FSTL5: variants seen among roughly 807,000 people sequenced by gnomAD.
FSTL5 encodes the protein follistatin-related protein 5.
A neutral mutation model predicts 89.1 loss-of-function variants in FSTL5; 62 were observed. The ratio of observed to expected loss-of-function variants is 0.70; its 90% CI spans 0.57 to 0.86. The LOEUF (loss-of-function observed/expected upper bound fraction) is 0.86, where lower values mean the gene tolerates loss of function less well. Ranked by LOEUF, FSTL5 falls within the 40% of genes least tolerant of loss-of-function variation. The pLI, the probability that FSTL5 is intolerant of heterozygous loss-of-function variation, is 0.00. For synonymous variants in FSTL5, 383 were observed against 346.2 expected, an observed-to-expected ratio of 1.11 and a Z score of -1.18; for missense variants, 1,057 against 1,001.6, an observed-to-expected ratio of 1.06 and a Z score of -0.75.
At chr4:161,737,695 T>C (rs546412612) in intron 6 of FSTL5, among the ~76,000 whole-genome samples, 3 of 152,114 alleles carry the variant, frequency 2.0e-5, no homozygotes, top group Non-Finnish European at 4.4e-5. Flanking sequence ...AACCTATGTA[T>C]GTAAATCATT....
At chr4:161,872,179 T>A (rs182107052) in intron 4 of FSTL5, among the ~76,000 whole-genome samples, 1 of 130,272 alleles carries the variant, frequency 7.7e-6, no homozygotes, top group African/African-American at 2.8e-5. Flanking sequence ...GGATTCATCA[T>A]GTTGTCCAGG....
At chr4:161,681,835 G>A (rs566284006) in intron 6 of FSTL5, among the ~76,000 whole-genome samples, 127 of 152,080 alleles carry the variant, frequency 8.4e-4, no homozygotes, top group Non-Finnish European at 1.5e-3. Context: ...AAATCATTGC[G>A]GGAAGGTGTT....
chr4:161,971,606 T>C (rs1214939901), intron 3 of FSTL5, among the ~76,000 whole-genome samples: 1 of 152,104 alleles, frequency 6.6e-6, no homozygotes, highest in Non-Finnish European at 1.5e-5. Context: ...CATTCCTGGG[T>C]AAAATATTTA....
At chr4:161,682,503 G>A (rs1229031104) in intron 6 of FSTL5, among the ~76,000 whole-genome samples, 3 of 151,898 alleles carry the variant, frequency 2.0e-5, no homozygotes, top group Admixed American at 6.6e-5. Context: ...ATTTTAAAAT[G>A]TTTTATTATC....
At chr4:161,783,120 G>A (rs1337321735) in intron 4 of FSTL5, among the ~76,000 whole-genome samples, 17 of 152,140 alleles carry the variant, frequency 1.1e-4, no homozygotes. Context: ...TGATGATATG[G>A]AATGTGTAGC....
intron 4 of FSTL5, among the ~76,000 whole-genome samples, chr4:161,781,132 T>C (rs959279607): frequency 5.3e-5 from 8 of 152,040 alleles, no homozygotes; most frequent in African/African-American, 1.7e-4. Context: ...TAATTGCTAA[T>C]AAAACACAAA....
chr4:161,856,662 G>GTATA lies in FSTL5; in HGVS notation c.409+63738_409+63741dup, dbSNP rs10647528. Among the ~76,000 whole-genome samples the GTATA allele has an allele frequency of 2.1e-3, 313 of 147,822 alleles. 1 individual carries two copies. Among genetic ancestry groups the GTATA allele is most frequent in the Middle Eastern group, 3.5e-3 (1 of 284 alleles). On this transcript the variant is annotated intron_variant, in intron 4 of 15. Transcript: ENST00000306100. ...TTTATTTGCATACTTGTGTGTGTGTGTATATATATATATATAAATATGTAT... is the reference window on the plus strand; with the variant it reads ...TTTATTTGCATACTTGTGTGTGTGTGTATATATATATATATATATAAATATGTAT...
rs189448453 is a variant in FSTL5 at position 162,113,005 on chromosome 4, G to C, written c.-16-1593C>G. Among the ~76,000 whole-genome samples the C allele has an allele frequency of 1.9e-3, 291 of 152,112 alleles. 1 individual carries two copies. The highest frequency in any genetic ancestry group is 6.7e-3 in the African/African-American group (279 of 41,476). ...TAGGTTCAGCCTATTGCTTTATTTT[G>C]CCATTAAATATTGTGGTTTATCAAA... On this transcript the variant is annotated intron_variant, in intron 1 of 15. Coordinates refer to ENST00000306100, the MANE Select transcript of FSTL5 (RefSeq NM_020116.5).
chr4:161,922,110 T>A (rs968606616), intron 3 of FSTL5, among the ~76,000 whole-genome samples: 16 of 151,982 alleles, frequency 1.1e-4, no homozygotes, highest in Non-Finnish European at 1.8e-4. Flanking sequence ...GCATATTTTT[T>A]AAAAACTAAT....
intron 14 of FSTL5, among the ~76,000 whole-genome samples, chr4:161,458,830 A>C (rs1733457366): frequency 6.6e-6 from 1 of 152,180 alleles, no homozygotes. Context: ...CAGATAACAG[A>C]ATATTATCTG....
intron 15 of FSTL5, chr4:161,388,089 C>G (rs1578935189): frequency 6.6e-6 from 1 of 152,176 alleles, no homozygotes; most frequent in East Asian, 1.9e-4. Flanking sequence ...TTCTGCTATA[C>G]TATTACCTAA....
Position 162,112,257 on chromosome 4 carries a change from T to C in FSTL5, c.-16-845A>G, listed in dbSNP as rs527245491. ...TTTCTTGGGAAACTTAATCAATTGA[T>C]TAGCATTGCTCTATGCTGTATTTTG... On this transcript the variant is annotated intron_variant, in intron 1 of 15. Transcript: ENST00000306100. Among the ~76,000 whole-genome samples, 10 of 152,284 alleles carry C rather than the reference T, an allele frequency of 6.6e-5. No individual in the cohort carries two copies. In the South Asian group the frequency reaches 2.1e-3, roughly 32 times the overall value.
chr4:161,831,881 T>C (rs1730857477), intron 4 of FSTL5, among the ~76,000 whole-genome samples: 1 of 151,788 alleles, frequency 6.6e-6, no homozygotes. Context: ...TTAGAGAAAA[T>C]TTGCTGAAAA....
chr4:161,993,997 T>A (rs1002055446), intron 3 of FSTL5, among the ~76,000 whole-genome samples: 1 of 152,120 alleles, frequency 6.6e-6, no homozygotes. Context: ...ATCACCCAGG[T>A]ATTAAGCCTA....
rs201960581 is a variant in FSTL5, at chr4:162,147,600, AGT to A, written c.-17+16013_-17+16014del. Reference sequence around the variant, plus strand: ...AGGTCACATTTTTGTGTACTCTGTAAGTTACAGTTCTCCTTGAGATCAGTTTA... The same window carrying A: ...AGGTCACATTTTTGTGTACTCTGTAATACAGTTCTCCTTGAGATCAGTTTA... On this transcript the variant is annotated intron_variant, in intron 1 of 15. Transcript: ENST00000306100. Among the ~76,000 whole-genome samples the A allele has an allele frequency of 9.2e-3, 1,403 of 152,326 alleles. 22 individuals carry two copies. Among genetic ancestry groups the A allele is most frequent in the African/African-American group, 0.031 (1,301 of 41,580 alleles).
At chr4:161,935,794 G>C (rs545842969) in intron 3 of FSTL5, among the ~76,000 whole-genome samples, 2 of 151,752 alleles carry the variant, frequency 1.3e-5, no homozygotes, top group South Asian at 4.2e-4. Context: ...TCCAATGGTA[G>C]GATGAATCTA....
chr4:161,458,444 A>G (rs1733441575), intron 14 of FSTL5, among the ~76,000 whole-genome samples: 1 of 152,232 alleles, frequency 6.6e-6, no homozygotes, highest in Admixed American at 6.5e-5. Flanking sequence ...AAAATAACTC[A>G]GAAACATTAA....
chr4:161,816,025 A>C (rs931686418), intron 4 of FSTL5, among the ~76,000 whole-genome samples: 4 of 152,206 alleles, frequency 2.6e-5, no homozygotes, highest in African/African-American at 9.6e-5. Context: ...TTAACTACAC[A>C]GAACATTAGA....
intron 2 of FSTL5, among the ~76,000 whole-genome samples, chr4:162,054,839 G>A (rs1738487183): frequency 6.6e-6 from 1 of 151,806 alleles, no homozygotes; most frequent in Non-Finnish European, 1.5e-5. Context: ...GTTCCTCTGG[G>A]AGAGGAGGAG....
Sources: allele counts gnomAD v4.1 joint callset (sites outside exome capture counted in the v4.1 genomes callset), GRCh38; gene constraint gnomAD v4.1.1; transcripts MANE v1.5; gene names NCBI Gene and HGNC (gene_info 2026-07-23, HGNC 2026-07-21).